The following IMMP2L variants were observed in gnomAD, a reference collection of about 807,000 sequenced individuals.
IMMP2L encodes mitochondrial inner membrane protease subunit 2.
In IMMP2L, 18 loss-of-function variants were observed where a neutral mutation model predicts 19.3. The ratio of observed to expected loss-of-function variants is 0.93; its 90% CI spans 0.64 to 1.38. IMMP2L has a LOEUF of 1.38. IMMP2L is among the 40% of genes most tolerant of loss of function. IMMP2L has a pLI of 0.00. For synonymous variants in IMMP2L, 76 were observed against 73.0 expected, an observed-to-expected ratio of 1.04 and a Z score of -0.21; for missense variants, 233 against 218.2, an observed-to-expected ratio of 1.07 and a Z score of -0.43.
chr7:111,138,564 GCAAA>G (rs1340964270), intron 3 of IMMP2L, among the ~76,000 whole-genome samples: 2 of 152,138 alleles, frequency 1.3e-5, no homozygotes, highest in Admixed American at 6.6e-5. Context: ...CTAGGCATCT[GCAAA>G]CAAACAAATG....
intron 5 of IMMP2L, among the ~76,000 whole-genome samples, chr7:110,872,574 C>G (rs763008817): frequency 6.6e-6 from 1 of 152,242 alleles, no homozygotes; most frequent in Non-Finnish European, 1.5e-5. Flanking sequence ...TAACGCTGCC[C>G]CTAGGCCAGA....
At chr7:111,422,289 T>A (rs1025107235) in intron 3 of IMMP2L, among the ~76,000 whole-genome samples, 1 of 151,912 alleles carries the variant, frequency 6.6e-6, no homozygotes, top group African/African-American at 2.4e-5. Context: ...GGGGATGGCA[T>A]TGAATCAATA....
rs1308505975 is a variant in IMMP2L at position 111,166,582 on chromosome 7, C to A, written c.240-203017G>T. Reference sequence around the variant, plus strand: ...TTGGTTAATTCGTGCCCCACACATACTGTATTAGTTTCCTAGGGCTGCGAA... The same window carrying A: ...TTGGTTAATTCGTGCCCCACACATAATGTATTAGTTTCCTAGGGCTGCGAA... On this transcript the variant is annotated intron_variant, in intron 3 of 5. Coordinates refer to ENST00000405709, the MANE Select transcript of IMMP2L (RefSeq NM_032549.4). Among the ~76,000 whole-genome samples the A allele has an allele frequency of 2.0e-5, 3 of 151,994 alleles. No individual in the cohort carries two copies. The East Asian group carries it at 5.8e-4, about 29-fold the overall frequency.
chr7:110,702,162 T>G (rs1215644941), intron 5 of IMMP2L, among the ~76,000 whole-genome samples: 1 of 152,006 alleles, frequency 6.6e-6, no homozygotes, highest in African/African-American at 2.4e-5. Context: ...CTCGAACTCC[T>G]GGACTCAAGT....
chr7:111,182,676 G>A (rs1807839600), intron 3 of IMMP2L, among the ~76,000 whole-genome samples: 1 of 151,808 alleles, frequency 6.6e-6, no homozygotes, highest in Non-Finnish European at 1.5e-5. Context: ...ATACCTCTGA[G>A]GTGGAGGTAA....
chr7:111,065,100 C>G (rs571224681), intron 3 of IMMP2L, among the ~76,000 whole-genome samples: 1 of 152,286 alleles, frequency 6.6e-6, no homozygotes, highest in African/African-American at 2.4e-5. Context: ...AACCTCATGA[C>G]CAGTTGCAGA....
At chr7:111,505,148 C>G (rs1309965798) in intron 2 of IMMP2L, among the ~76,000 whole-genome samples, 1 of 151,882 alleles carries the variant, frequency 6.6e-6, no homozygotes, top group Non-Finnish European at 1.5e-5. Context: ...ACAACCCCAT[C>G]AAAAAGTGGG....
chr7:110,842,231 T>C (rs187319356), intron 5 of IMMP2L, among the ~76,000 whole-genome samples: 1 of 152,264 alleles, frequency 6.6e-6, no homozygotes, highest in Admixed American at 6.5e-5. Context: ...GAAGAAAATA[T>C]TTCAATAATT....
chr7:111,108,551 T>A (rs1489763505), intron 3 of IMMP2L, among the ~76,000 whole-genome samples: 1 of 152,156 alleles, frequency 6.6e-6, no homozygotes, highest in East Asian at 1.9e-4. Flanking sequence ...CTCCATTAGT[T>A]TCCTCACAAC....
chr7:111,535,290 AAAAG>A (rs1847783468), intron 1 of IMMP2L, among the ~76,000 whole-genome samples: 1 of 152,112 alleles, frequency 6.6e-6, no homozygotes, highest in African/African-American at 2.4e-5. Flanking sequence ...AAAAAACAAA[AAAAG>A]GAAGCAAAAA....
intron 3 of IMMP2L, chr7:111,124,967 AAAAAC>A (rs1313570331): frequency 1.6e-5 from 18 of 1,125,840 alleles, no homozygotes; most frequent in East Asian, 2.5e-5. Flanking sequence ...CAGTTGTGCT[AAAAAC>A]AAAACAAAAC....
At chr7:110,994,021 A>G (rs1822766395) in intron 3 of IMMP2L, among the ~76,000 whole-genome samples, 1 of 152,090 alleles carries the variant, frequency 6.6e-6, no homozygotes, top group Non-Finnish European at 1.5e-5. Flanking sequence ...TTGGAAAAAA[A>G]AAAGGCTCTA....
chr7:110,808,029 C>T (rs1270286120), intron 5 of IMMP2L, among the ~76,000 whole-genome samples: 1 of 151,722 alleles, frequency 6.6e-6, no homozygotes, highest in Non-Finnish European at 1.5e-5. Flanking sequence ...TAAAATTTTA[C>T]CTTAAAAAAA....
At chr7:111,403,354 G>C (rs1390251709) in intron 3 of IMMP2L, among the ~76,000 whole-genome samples, 1 of 151,818 alleles carries the variant, frequency 6.6e-6, no homozygotes, top group Non-Finnish European at 1.5e-5. Context: ...CAGCCATGTA[G>C]AACTGTAAGT....
At chr7:111,409,373 TGGATAA>T (rs1328438049) in intron 3 of IMMP2L, among the ~76,000 whole-genome samples, 1 of 151,642 alleles carries the variant, frequency 6.6e-6, no homozygotes. Flanking sequence ...AAAGTCCCCA[TGGATAA>T]CATATAACCA....
chr7:111,419,006 T>C (rs1419633672), intron 3 of IMMP2L, among the ~76,000 whole-genome samples: 3 of 151,836 alleles, frequency 2.0e-5, no homozygotes, highest in African/African-American at 7.3e-5. Flanking sequence ...AGCCTGAAAT[T>C]ACATCAAATA....
At chr7:110,894,989 T>A (rs1217364229) in intron 4 of IMMP2L, among the ~76,000 whole-genome samples, 1 of 152,154 alleles carries the variant, frequency 6.6e-6, no homozygotes, top group African/African-American at 2.4e-5. Context: ...TTACCCTATG[T>A]ATTAGTCCAT....
At chr7:111,545,643 C>G (rs1848861897) in intron 1 of IMMP2L, among the ~76,000 whole-genome samples, 1 of 152,154 alleles carries the variant, frequency 6.6e-6, no homozygotes, top group Admixed American at 6.5e-5. Context: ...GCCCTAGCCT[C>G]TCAAATTATA....
chr7:110,897,617 T>C (rs1563063853), intron 4 of IMMP2L, among the ~76,000 whole-genome samples: 1 of 152,130 alleles, frequency 6.6e-6, no homozygotes, highest in Non-Finnish European at 1.5e-5. Context: ...CATAACTATG[T>C]AAGGACACAG....
Sources: allele counts gnomAD v4.1 joint callset (sites outside exome capture counted in the v4.1 genomes callset), GRCh38; gene constraint gnomAD v4.1.1; transcripts MANE v1.5; gene names NCBI Gene and HGNC (gene_info 2026-07-23, HGNC 2026-07-21).